The following TMEM65 variants were observed in gnomAD, a reference collection of about 807,000 sequenced individuals.
TMEM65 encodes the protein transmembrane protein 65.
TMEM65 carries 22 observed loss-of-function variants against 25.4 expected under a neutral mutation model. The observed-to-expected ratio is 0.86, with a 90% CI of 0.62 to 1.23. TMEM65 has a LOEUF of 1.23. Ranked by LOEUF, TMEM65 falls within the 50% of genes most tolerant of loss-of-function variation. TMEM65 has a pLI of 0.00. For synonymous variants in TMEM65, 132 were observed against 126.2 expected, an observed-to-expected ratio of 1.05 and a Z score of -0.31; for missense variants, 262 against 308.2, an observed-to-expected ratio of 0.85 and a Z score of 1.12.
At chr8:124,329,324 T>C (rs1038915025) in intron 2 of TMEM65, among the ~76,000 whole-genome samples, 5 of 151,730 alleles carry the variant, frequency 3.3e-5, no homozygotes, top group Non-Finnish European at 5.9e-5. Context: ...GTTAGAAGAG[T>C]ATAATGAAAT....
intron 5 of TMEM65, among the ~76,000 whole-genome samples, chr8:124,320,493 T>C (rs1358042190): frequency 6.6e-6 from 1 of 152,312 alleles, no homozygotes; most frequent in East Asian, 1.9e-4. Context: ...AAGTATTCTC[T>C]ATTATTATTT....
chr8:124,328,395 T>C lies in TMEM65; in HGVS notation c.350-974A>G, dbSNP rs529548976. On this transcript the variant is annotated intron_variant, in intron 2 of 6. Transcript: ENST00000297632. ...CTCTAGCCTGGCAACAGAGCAAGACTCCATCTTAAAAAAAAAAAAAAATTG... is the reference window on the plus strand; with the variant it reads ...CTCTAGCCTGGCAACAGAGCAAGACCCCATCTTAAAAAAAAAAAAAAATTG... Among the ~76,000 whole-genome samples the C allele has an allele frequency of 4.7e-5, 7 of 149,294 alleles. No homozygotes were observed. The East Asian group carries it at 1.4e-3, about 29-fold the overall frequency.
intron 2 of TMEM65, among the ~76,000 whole-genome samples, chr8:124,329,419 A>G (rs1035492472): frequency 2.1e-4 from 31 of 149,834 alleles, no homozygotes; most frequent in African/African-American, 7.6e-4. Flanking sequence ...GGTTAGGATT[A>G]ATTAGCATTT....
At chr8:124,320,753 G>A (rs1489179166) in intron 5 of TMEM65, among the ~76,000 whole-genome samples, 4 of 152,014 alleles carry the variant, frequency 2.6e-5, no homozygotes, top group Non-Finnish European at 5.9e-5. Context: ...TGAACTGTAA[G>A]AAAGAAAAAA....
intron 1 of TMEM65, among the ~76,000 whole-genome samples, chr8:124,354,338 A>T (rs556758862): frequency 2.6e-5 from 4 of 152,222 alleles, no homozygotes; most frequent in Non-Finnish European, 5.9e-5. Flanking sequence ...ATGACATCAG[A>T]GTATTAGATG....
intron 1 of TMEM65, among the ~76,000 whole-genome samples, chr8:124,350,079 G>C (rs1020869700): frequency 1.3e-5 from 2 of 151,772 alleles, no homozygotes; most frequent in Non-Finnish European, 1.5e-5. Context: ...CAAAGTAAGA[G>C]TATACTGGGG....
At chr8:124,319,700 T>C (rs939676508) in intron 6 of TMEM65, among the ~76,000 whole-genome samples, 7 of 152,102 alleles carry the variant, frequency 4.6e-5, no homozygotes, top group Admixed American at 1.3e-4. Flanking sequence ...ACCTGTATCA[T>C]GGTTATATCT....
chr8:124,339,210 AAAAAAAAAAAAAATATATATATAT>A (rs1220898670), intron 1 of TMEM65, among the ~76,000 whole-genome samples: 22 of 42,662 alleles, frequency 5.2e-4, no homozygotes, highest in African/African-American at 1.8e-3. Context: ...AAAAAAAAAA[AAAAAAAAAAAAAATATATATATAT>A]ATATATATAT....
intron 1 of TMEM65, among the ~76,000 whole-genome samples, chr8:124,351,807 A>C (rs896411537): frequency 6.6e-6 from 1 of 152,172 alleles, no homozygotes; most frequent in Admixed American, 6.5e-5. Context: ...GGAGTCTCTT[A>C]AATGACAGCA....
intron 1 of TMEM65, among the ~76,000 whole-genome samples, chr8:124,365,942 C>T (rs147816685): frequency 2.0e-5 from 3 of 152,094 alleles, no homozygotes; most frequent in African/African-American, 7.2e-5. Flanking sequence ...TAATACAGGC[C>T]GGGCGTGGAG....
rs550713284 is a variant in TMEM65, at chr8:124,309,886, A to G, written c.*4074T>C. The stretch of plus-strand genomic sequence containing the variant: ...GCCAACATGGTGAAACCCCGTTTCT[A>G]CTAAAAATACAAAAAAATTAGGCTC... On this transcript the variant is annotated 3_prime_UTR_variant, in exon 7 of 7. Coordinates refer to ENST00000297632, the MANE Select transcript of TMEM65 (RefSeq NM_194291.3). 6.6e-6 allele frequency: 1 copy of G among 152,242 alleles called. No homozygotes were observed. The highest frequency in any genetic ancestry group is 1.9e-4 in the East Asian group (1 of 5,182). 9.4% of individuals were successfully genotyped at this position (152,242 alleles called of 1,614,324 possible).
chr8:124,308,524 G>C lies in TMEM65; in HGVS notation c.*5436C>G, dbSNP rs569662634. 1 of 152,164 alleles carries C rather than the reference G, an allele frequency of 6.6e-6. No individual in the cohort carries two copies. The highest frequency in any genetic ancestry group is 1.5e-5 in the Non-Finnish European group (1 of 68,044). 9.4% of individuals were successfully genotyped at this position (152,164 alleles called of 1,614,324 possible). A position where few individuals can be genotyped will look rare whatever the true frequency, so the allele number is the denominator to read the frequency against. ...ACAACCAGATGTTGTGTGTGACTTC[G>C]CAGAATTTACAACAGAGCCAATCAA... On this transcript the variant is annotated 3_prime_UTR_variant, in exon 7 of 7. Transcript: ENST00000297632.
chr8:124,334,739 G>C (rs1814483297), intron 1 of TMEM65, among the ~76,000 whole-genome samples: 1 of 141,244 alleles, frequency 7.1e-6, no homozygotes, highest in Non-Finnish European at 1.5e-5. Flanking sequence ...ACTCCAGCCT[G>C]GGCGACAGAA....
intron 5 of TMEM65, among the ~76,000 whole-genome samples, chr8:124,321,748 A>G (rs1242012479): frequency 1.3e-5 from 2 of 152,142 alleles, no homozygotes; most frequent in Non-Finnish European, 2.9e-5. Flanking sequence ...GGAGATGTCT[A>G]TAAAATACAT....
intron 1 of TMEM65, among the ~76,000 whole-genome samples, chr8:124,367,488 T>A (rs542669496): frequency 7.4e-4 from 113 of 152,080 alleles, no homozygotes; most frequent in African/African-American, 2.6e-3. Flanking sequence ...ATAAAAAAAA[T>A]TTAAGAAAAG....
intron 2 of TMEM65, among the ~76,000 whole-genome samples, chr8:124,329,091 A>G (rs1011788836): frequency 6.9e-6 from 1 of 145,222 alleles, no homozygotes; most frequent in Non-Finnish European, 1.5e-5. Context: ...TGTTTTAAGT[A>G]AAAATGTCCA....
rs1814818457 is a variant in TMEM65, at chr8:124,358,770, G to A, written c.304+13084C>T. ...TTTCCCTTAACAGATGGTGTCAGAA[G>A]TGCGATCCAAAGTCGAGCTCCCAGC... On this transcript the variant is annotated intron_variant, in intron 1 of 6. Transcript: ENST00000297632. 3.3e-5 allele frequency among the ~76,000 whole-genome samples: 5 copies of A among 152,296 alleles called. No homozygotes were observed. In the South Asian group the frequency reaches 1.0e-3, roughly 32 times the overall value.
At chr8:124,314,614 A>T (rs1268803752) in intron 6 of TMEM65, among the ~76,000 whole-genome samples, 2 of 152,182 alleles carry the variant, frequency 1.3e-5, no homozygotes, top group African/African-American at 2.4e-5. Flanking sequence ...CATTATAAAA[A>T]TTTTATTTCA....
At chr8:124,314,570 G>A (rs982385498) in intron 6 of TMEM65, among the ~76,000 whole-genome samples, 4 of 152,122 alleles carry the variant, frequency 2.6e-5, no homozygotes, top group African/African-American at 7.2e-5. Context: ...CATAAATGTA[G>A]ACACACATAC....
Sources: allele counts gnomAD v4.1 joint callset (sites outside exome capture counted in the v4.1 genomes callset), GRCh38; gene constraint gnomAD v4.1.1; transcripts MANE v1.5; gene names NCBI Gene and HGNC (gene_info 2026-07-23, HGNC 2026-07-21).